The following PRKD3 variants were observed in gnomAD, a reference collection of about 807,000 sequenced individuals.
PRKD3 encodes the protein serine/threonine-protein kinase D3.
In PRKD3, 47 loss-of-function variants were observed where a neutral mutation model predicts 99.2. That is an observed-to-expected ratio of 0.47 (90% CI 0.38 to 0.60). PRKD3 has a LOEUF of 0.60. PRKD3 is among the 20% of genes least tolerant of loss of function. The probability of loss-of-function intolerance (pLI) is 0.00; values close to 1 mark genes in which losing one functional copy is unlikely to be tolerated. For synonymous variants in PRKD3, 392 were observed against 355.4 expected (o/e 1.10, Z -1.16); for missense variants, 1,019 against 1,088.4 (o/e 0.94, Z 0.90).
chr2:37,311,774 T>C (rs941258542), intron 2 of PRKD3, among the ~76,000 whole-genome samples: 1 of 152,200 alleles, frequency 6.6e-6, no homozygotes, highest in African/African-American at 2.4e-5. Context: ...CTTAGGCTTA[T>C]CAAATTTCCA....
Position 37,256,628 on chromosome 2 carries a change from A to ATTTTTTTTT in PRKD3, c.2413+25_2413+33dup. On this transcript the variant is annotated intron_variant, in intron 17 of 18. Transcript: ENST00000234179. ...TTTAGGCTTAAAACACATAGCCAAA[A>ATTTTTTTTT]TTTTTTTTTTTTTTTTTTTTTTTTT... 3.3e-6 allele frequency: 4 copies of ATTTTTTTTT among 1,196,936 alleles called. No individual in the cohort carries two copies. In the South Asian group the frequency reaches 5.5e-5, roughly 16 times the overall value. 74.1% of individuals were successfully genotyped at this position (1,196,936 alleles called of 1,614,324 possible). A position where few individuals can be genotyped will look rare whatever the true frequency, so the allele number is the denominator to read the frequency against.
chr2:37,303,643 G>T (rs544834421), intron 2 of PRKD3, among the ~76,000 whole-genome samples: 1 of 152,006 alleles, frequency 6.6e-6, no homozygotes. Context: ...TGAGTGTGGC[G>T]GACTGAGTAA....
At chr2:37,295,599 T>A (rs1670641995) in intron 2 of PRKD3, among the ~76,000 whole-genome samples, 1 of 152,178 alleles carries the variant, frequency 6.6e-6, no homozygotes, top group Non-Finnish European at 1.5e-5. Context: ...TATAGCACCT[T>A]AGAAAAGTTG....
chr2:37,255,983 C>G (rs1165771578), intron 17 of PRKD3, among the ~76,000 whole-genome samples: 1 of 152,076 alleles, frequency 6.6e-6, no homozygotes, highest in East Asian at 1.9e-4. Context: ...ACACTTCAGC[C>G]TGGGTGACAG....
At chr2:37,260,583 C>T (rs1339155302) in intron 14 of PRKD3, among the ~76,000 whole-genome samples, 199 bp from the exon 15 acceptor site, 1 of 152,158 alleles carries the variant, frequency 6.6e-6, no homozygotes, top group African/African-American at 2.4e-5. Flanking sequence ...AGTAGCCGCA[C>T]TGAGGGGATA....
chr2:37,278,081 A>C (rs1669661781), intron 8 of PRKD3, 92 bp from the exon 9 acceptor site: 1 of 1,130,742 alleles, frequency 8.8e-7, no homozygotes, highest in Admixed American at 3.3e-5. Flanking sequence ...AAGACAACTG[A>C]GCTAAAATTT....
intron 14 of PRKD3, among the ~76,000 whole-genome samples, chr2:37,264,857 C>T (rs967495695): frequency 1.3e-5 from 2 of 152,092 alleles, no homozygotes; most frequent in African/African-American, 4.8e-5. Context: ...ATGGGATGTG[C>T]TCATTTCTGT....
At chr2:37,290,551 CA>C (rs1670363085) in intron 4 of PRKD3, among the ~76,000 whole-genome samples, 1 of 151,990 alleles carries the variant, frequency 6.6e-6, no homozygotes, top group Admixed American at 6.5e-5. Context: ...CTTTTAAAAA[CA>C]AAAAACAACA....
chr2:37,254,270 ATTGT>A lies in PRKD3; in HGVS notation c.2429_2432del (p.Asn810IlefsTer5). The A allele has an allele frequency of 6.2e-7, 1 of 1,613,216 alleles. No individual in the cohort carries two copies. The highest frequency in any genetic ancestry group is 8.5e-7 in the Non-Finnish European group (1 of 1,179,256). ...GTTTTCTCATCTTCACTTGAAGCAGATTGTTTATCAGATCAATTGCTAAGGGAAA... is the reference window on the plus strand; with the variant it reads ...GTTTTCTCATCTTCACTTGAAGCAGATTATCAGATCAATTGCTAAGGGAAA... On this transcript the variant is annotated frameshift_variant, in exon 18 of 19. Transcript: ENST00000234179. LOFTEE classifies it high-confidence loss of function.
intron 3 of PRKD3, among the ~76,000 whole-genome samples, chr2:37,292,344 T>C (rs539875557): frequency 4.6e-5 from 7 of 151,224 alleles, no homozygotes; most frequent in African/African-American, 1.7e-4. Flanking sequence ...CTATCCTGAT[T>C]TTTTCCTTTT....
Position 37,267,529 on chromosome 2 carries a change from A to G in PRKD3, c.1785T>C (p.His595=), listed in dbSNP as rs1668929205. Residue 595 remains histidine (H), a synonymous_variant, in exon 14 of 19, where the codon CAT becomes CAC. Coordinates refer to ENST00000234179, the MANE Select transcript of PRKD3 (RefSeq NM_005813.6). Reference sequence around the variant, plus strand: ...TAGCCACATCCCTCCCAGTCTTTCTATGTTTTCCTATTAAGAAAAAAAGAA... The same window carrying G: ...TAGCCACATCCCTCCCAGTCTTTCTGTGTTTTCCTATTAAGAAAAAAAGAA... The part of the protein sequence containing the change: ...GQFGIVYGGK[H]RKTGRDVAIK... The G allele has an allele frequency of 2.5e-6, 4 of 1,600,796 alleles. No homozygotes were observed. Among genetic ancestry groups the G allele is most frequent in the South Asian group, 2.2e-5 (2 of 89,296 alleles).
chr2:37,269,215 A>C (rs1669053396), intron 13 of PRKD3: 1 of 194,036 alleles, frequency 5.2e-6, no homozygotes, highest in Non-Finnish European at 1.1e-5. Flanking sequence ...TCAGGTTTTC[A>C]GACTTAATAG....
intron 7 of PRKD3, 75 bp downstream of exon 7, chr2:37,282,467 C>T: frequency 2.1e-6 from 2 of 967,092 alleles, no homozygotes; most frequent in Non-Finnish European, 3.2e-6. Context: ...AAAACAGAAC[C>T]TTATCCAAAG....
rs150294593 is a variant in PRKD3 at position 37,297,942 on chromosome 2, A to G, written c.289-4671T>C. On this transcript the variant is annotated intron_variant, in intron 2 of 18. Transcript: ENST00000234179. The stretch of plus-strand genomic sequence containing the variant: ...GGAAGTAAGTCATTATGAGCAGAGC[A>G]CTTAAGAAGTGGAAAGGTTTGTTTG... 9.2e-5 allele frequency among the ~76,000 whole-genome samples: 14 copies of G among 152,310 alleles called. No individual in the cohort carries two copies. In the East Asian group the frequency reaches 2.5e-3, roughly 27 times the overall value.
intron 9 of PRKD3, among the ~76,000 whole-genome samples, 193 bp downstream of exon 9, chr2:37,277,673 C>A (rs893681365): frequency 2.0e-5 from 3 of 152,148 alleles, no homozygotes; most frequent in African/African-American, 7.2e-5. Flanking sequence ...TTTGTAAAGA[C>A]AATACATTAA....
Position 37,253,229 on chromosome 2 carries a change from G to C in PRKD3, c.2621C>G (p.Pro874Arg), listed in dbSNP as rs910687378. The change falls in exon 19 of 19, where the codon CCA becomes CGA. Residue 874 changes from proline (P) to arginine (R), a missense_variant. By Grantham distance (103) the Pro-to-Arg change is moderately radical. Around this residue, in one of 3 missense-constraint regions of PRKD3, gnomAD observed 125 missense variants for 120.6 expected, o/e 1.04. Coordinates refer to ENST00000234179, the MANE Select transcript of PRKD3 (RefSeq NM_005813.6). ...IHAYTHNLVYPKHFIMAPNPD... is the reference protein window; with the variant it reads ...IHAYTHNLVYRKHFIMAPNPD... Reference sequence around the variant, plus strand: ...ATTAGGAGCCATAATGAAGTGCTTTGGGTATACAAGGTTATGTGTGTATGC... The same window carrying C: ...ATTAGGAGCCATAATGAAGTGCTTTCGGTATACAAGGTTATGTGTGTATGC... The C allele has an allele frequency of 1.9e-6, 3 of 1,612,236 alleles. No homozygotes were observed. In the African/African-American group the frequency reaches 4.0e-5, roughly 22 times the overall value.
chr2:37,253,963 T>G (rs900746502), intron 18 of PRKD3, among the ~76,000 whole-genome samples: 1 of 152,172 alleles, frequency 6.6e-6, no homozygotes, highest in Non-Finnish European at 1.5e-5. Flanking sequence ...TACAAAAAGG[T>G]GAAATGAACA....
At chr2:37,288,179 G>A (rs904363208) in intron 5 of PRKD3, among the ~76,000 whole-genome samples, 2 of 152,036 alleles carry the variant, frequency 1.3e-5, no homozygotes, top group Non-Finnish European at 2.9e-5. Context: ...TCATTTGTGG[G>A]GCTCTTGACA....
chr2:37,262,078 T>G (rs140748721), intron 14 of PRKD3, among the ~76,000 whole-genome samples: 95 of 152,314 alleles, frequency 6.2e-4, no homozygotes, highest in Admixed American at 1.1e-3. Flanking sequence ...ATCTACTTAG[T>G]TATTTTCAAA....
Sources: gnomAD v4.1 joint callset for allele counts (sites outside exome capture counted in the v4.1 genomes callset) on GRCh38, gnomAD v4.1.1 for gene constraint, gnomAD v4.1.1 regional missense constraint, MANE v1.5 for transcripts, NCBI Gene and HGNC (gene_info 2026-07-23, HGNC 2026-07-21) for gene names.